Variants in PHLDB3 observed in about 807,000 individuals in gnomAD.
The protein encoded by PHLDB3 is pleckstrin homology like domain family B member 3, also known as pleckstrin homology-like domain family B member 3.
In PHLDB3, 86 loss-of-function variants were observed where a neutral mutation model predicts 85.7. The ratio of observed to expected loss-of-function variants is 1.00; its 90% CI spans 0.84 to 1.20. PHLDB3 has a LOEUF of 1.20. Among genes scored for constraint, PHLDB3 ranks in the 50% most tolerant of loss-of-function variants. The pLI is 0.00. For missense variants in PHLDB3, 995 were observed against 873.0 expected (o/e 1.14, Z -1.76); for synonymous variants, 376 against 349.8 (o/e 1.07, Z -0.83).
rs987322800 is a variant in PHLDB3, at chr19:43,487,064, G to GCTCCCCCTC, written c.1200_1208dup (p.Gly402_Ser403insArgArgGly). Reference sequence around the variant, plus strand: ...ACAGAGGTCGGGGGGATCCTCTCTGGCTCCCCCTCTCCCCCCTTTTCCGGG... The same window carrying GCTCCCCCTC: ...ACAGAGGTCGGGGGGATCCTCTCTGGCTCCCCCTCCTCCCCCTCTCCCCCCTTTTCCGGG... On this transcript the variant is annotated inframe_insertion, in exon 10 of 16. Transcript: ENST00000292140. The GCTCCCCCTC allele has an allele frequency of 6.3e-7, 1 of 1,579,674 alleles. No individual in the cohort carries two copies. The highest frequency in any genetic ancestry group is 1.3e-5 in the African/African-American group (1 of 74,084).
chr19:43,495,754 G>A, intron 6 of PHLDB3, 134 bp from the exon 7 acceptor site: 1 of 1,317,384 alleles, frequency 7.6e-7, no homozygotes, highest in Non-Finnish European at 1.0e-6. Flanking sequence ...GTCCAGGGCT[G>A]GGGACCCAGC....
At chr19:43,500,884 C>A in intron 4 of PHLDB3, among the ~76,000 whole-genome samples, 1 of 141,280 alleles carries the variant, frequency 7.1e-6, no homozygotes, top group Non-Finnish European at 1.5e-5. Context: ...CTCAAGCGAT[C>A]CTCCCACTTT....
intron 4 of PHLDB3, 41 bp from the exon 5 acceptor site, chr19:43,497,917 G>T (rs775214434): frequency 6.4e-7 from 1 of 1,565,186 alleles, no homozygotes; most frequent in Non-Finnish European, 8.6e-7. Context: ...CTTAAGCATA[G>T]CGGGAGAAGC....
intron 9 of PHLDB3, among the ~76,000 whole-genome samples, chr19:43,490,066 G>GAA: frequency 6.8e-6 from 1 of 146,212 alleles, no homozygotes; most frequent in East Asian, 2.1e-4. Context: ...AGGAAGGAAG[G>GAA]GAAGGAGGAA....
intron 13 of PHLDB3, among the ~76,000 whole-genome samples, chr19:43,484,252 G>GAA (rs768129873): frequency 9.3e-5 from 8 of 85,808 alleles, no homozygotes; most frequent in South Asian, 7.4e-4. Flanking sequence ...CTCCATCTTG[G>GAA]AAAAAAAAAA....
rs1417898598 is a variant in PHLDB3 at position 43,497,113 on chromosome 19, C to A, written c.825+5G>T. On this transcript the variant is annotated splice_donor_5th_base_variant and intron_variant, in intron 6 of 15. Coordinates refer to ENST00000292140, the MANE Select transcript of PHLDB3 (RefSeq NM_198850.4). ...GGGGGGCAGCGCTGGTCAGGCATGA[C>A]TCACTCTGTGCTGCGCCATGCTGGC... The A allele has an allele frequency of 3.4e-6, 5 of 1,488,200 alleles. No individual in the cohort carries two copies. The highest frequency in any genetic ancestry group is 4.4e-5 in the Admixed American group (2 of 45,048). 92.2% of individuals were successfully genotyped at this position (1,488,200 alleles called of 1,614,324 possible).
intron 4 of PHLDB3, among the ~76,000 whole-genome samples, chr19:43,500,886 TC>T (rs1971570356): frequency 1.5e-5 from 1 of 65,090 alleles, no homozygotes; most frequent in South Asian, 6.0e-4. Context: ...CAAGCGATCC[TC>T]CCACTTTGCC....
chr19:43,486,021 T>A, intron 13 of PHLDB3: 3 of 985,302 alleles, frequency 3.0e-6, no homozygotes, highest in Non-Finnish European at 3.6e-6. Context: ...TTGTCACCAA[T>A]GTACAGAAGA....
At position 43,497,844 on chromosome 19, in the gene PHLDB3, G is replaced by A. The variant is rs1971500611; in HGVS notation, c.567C>T (p.Arg189=). 4 of 1,580,234 alleles carry A rather than the reference G, an allele frequency of 2.5e-6. No homozygotes were observed. Among genetic ancestry groups the A allele is most frequent in the Non-Finnish European group, 3.4e-6 (4 of 1,163,630 alleles). Residue 189 remains arginine (R), a synonymous_variant, in exon 5 of 16, where the codon CGC becomes CGT. Coordinates refer to ENST00000292140, the MANE Select transcript of PHLDB3 (RefSeq NM_198850.4). ...GGAGTCTCTGGCGAAGACCCTCTAG[G>A]CGATCCCGTTCCTGGCTCAGCCGCC... ...EQRRLSQERD[R]LEGLRQRLRK...
Position 43,497,177 on chromosome 19 carries a change from C to T in PHLDB3, c.766G>A (p.Gly256Arg). Residue 256 changes from glycine (G) to arginine (R), a missense_variant, in exon 6 of 16, where the codon GGG becomes AGG. By Grantham distance (125) the Gly-to-Arg change is moderately radical. Coordinates refer to ENST00000292140, the MANE Select transcript of PHLDB3 (RefSeq NM_198850.4). Reference protein sequence around the residue: ...RQEEEDRDSPGPQVPDPKVQE... With the variant: ...RQEEEDRDSPRPQVPDPKVQE... ...ACCTTGGGGTCTGGCACCTGGGGCCCAGGGCTGTCCCGATCCTCCTCCTCC... is the reference window on the plus strand; with the variant it reads ...ACCTTGGGGTCTGGCACCTGGGGCCTAGGGCTGTCCCGATCCTCCTCCTCC... The T allele has an allele frequency of 6.4e-7, 1 of 1,562,302 alleles. No individual in the cohort carries two copies. Among genetic ancestry groups the T allele is most frequent in the South Asian group, 1.2e-5 (1 of 85,050 alleles).
chr19:43,497,966 G>C lies in PHLDB3; in HGVS notation c.535-90C>G, dbSNP rs1029873593. On this transcript the variant is annotated intron_variant, in intron 4 of 15. Coordinates refer to ENST00000292140, the MANE Select transcript of PHLDB3 (RefSeq NM_198850.4). The stretch of plus-strand genomic sequence containing the variant: ...ATCTCAGAGCCTGCCTGGGGTGTCG[G>C]CTGTACAAAGGCAGGGACTTCATCT... 19 of 1,495,236 alleles carry C rather than the reference G, an allele frequency of 1.3e-5. No homozygotes were observed. The East Asian group carries it at 4.4e-4, about 35-fold the overall frequency. The allele number at this position is 1,495,236 out of a possible 1,614,324, so 92.6% of individuals were successfully genotyped here.
intron 14 of PHLDB3, 140 bp from the exon 15 acceptor site, chr19:43,478,272 G>T: frequency 1.7e-6 from 1 of 601,732 alleles, no homozygotes; most frequent in East Asian, 2.9e-5. Flanking sequence ...GTCTCTAAAG[G>T]TTGGGAGGTG....
intron 15 of PHLDB3, among the ~76,000 whole-genome samples, chr19:43,476,647 A>G (rs546209632): frequency 1.8e-4 from 27 of 151,944 alleles, no homozygotes; most frequent in Admixed American, 1.4e-3. Context: ...TGGTCTATGG[A>G]GCAAGAAAAA....
chr19:43,491,606 AT>A (rs1599948090), intron 9 of PHLDB3, among the ~76,000 whole-genome samples: 1 of 151,458 alleles, frequency 6.6e-6, no homozygotes, highest in East Asian at 1.9e-4. Flanking sequence ...GGTTCAAACT[AT>A]TCTCCTGCCT....
intron 9 of PHLDB3, among the ~76,000 whole-genome samples, chr19:43,488,553 T>C (rs1971238350): frequency 6.6e-6 from 1 of 152,154 alleles, no homozygotes; most frequent in Non-Finnish European, 1.5e-5. Context: ...GGTGTTCTAC[T>C]GGAACAAGCT....
rs764404852 is a variant in PHLDB3 at position 43,487,172 on chromosome 19, A to C, written c.1150-49T>G. The C allele has an allele frequency of 5.3e-6, 8 of 1,498,760 alleles. No homozygotes were observed. The South Asian group carries it at 9.6e-5, about 18-fold the overall frequency. 92.8% of individuals were successfully genotyped at this position (1,498,760 alleles called of 1,614,324 possible). Reference sequence around the variant, plus strand: ...GCATAGGAAAAAGGCTTGATCTCCAACCTAAGTCAGAGCACTGCCCAGTGA... The same window carrying C: ...GCATAGGAAAAAGGCTTGATCTCCACCCTAAGTCAGAGCACTGCCCAGTGA... On this transcript the variant is annotated intron_variant, in intron 9 of 15. Transcript: ENST00000292140.
intron 9 of PHLDB3, among the ~76,000 whole-genome samples, chr19:43,487,444 A>G (rs1198885298): frequency 2.6e-5 from 4 of 151,868 alleles, no homozygotes; most frequent in East Asian, 1.9e-4. Context: ...GCATGGTGGC[A>G]CGCGCCTGTA....
chr19:43,501,756 C>T lies in PHLDB3; in HGVS notation c.512G>A (p.Arg171His), dbSNP rs750321318. The change falls in exon 4 of 16, where the codon CGC (arginine) becomes CAC (histidine). Residue 171 changes from arginine to histidine, a missense_variant. By Grantham distance (29) the Arg-to-His change is conservative. Coordinates refer to ENST00000292140, the MANE Select transcript of PHLDB3 (RefSeq NM_198850.4). ...GACCTGTTCCCGCTGCTGGCGGCCG[C>T]GCTGCTCCGAGGCCGCCTGCTGCTC... Reference protein sequence around the residue: ...LLEQQAASEQRGRQQREQEQR... With the variant: ...LLEQQAASEQHGRQQREQEQR... 6 of 1,583,882 alleles carry T rather than the reference C, an allele frequency of 3.8e-6. No homozygotes were observed. In the East Asian group the frequency reaches 6.9e-5, roughly 18 times the overall value.
chr19:43,499,658 A>G (rs773943973), intron 4 of PHLDB3, among the ~76,000 whole-genome samples: 5 of 152,118 alleles, frequency 3.3e-5, no homozygotes, highest in Non-Finnish European at 5.9e-5. Context: ...TGACAAAATC[A>G]CAAGTCACCA....
Sources: gnomAD v4.1 joint callset for allele counts (sites outside exome capture counted in the v4.1 genomes callset) on GRCh38, gnomAD v4.1.1 for gene constraint, MANE v1.5 for transcripts, NCBI Gene and HGNC (gene_info 2026-07-23, HGNC 2026-07-21) for gene names.